ECT2L: variants seen among roughly 807,000 people sequenced by gnomAD.
The protein encoded by ECT2L is epithelial cell transforming 2 like.
ECT2L carries 126 observed loss-of-function variants against 122.8 expected under a neutral mutation model. The ratio of observed to expected loss-of-function variants is 1.03; its 90% CI spans 0.89 to 1.19. The LOEUF is 1.19. Ranked by LOEUF, ECT2L falls within the 50% of genes most tolerant of loss-of-function variation. The pLI, the probability that ECT2L is intolerant of heterozygous loss-of-function variation, is 0.00. For synonymous variants in ECT2L, 385 were observed against 381.8 expected (o/e 1.01, Z -0.10); for missense variants, 1,012 against 1,064.1 (o/e 0.95, Z 0.68).
chr6:138,827,304 T>C (rs1266693402), intron 4 of ECT2L, among the ~76,000 whole-genome samples: 2 of 151,846 alleles, frequency 1.3e-5, no homozygotes, highest in Non-Finnish European at 2.9e-5. Context: ...GCTGAGATCG[T>C]GCCATTGCAC....
chr6:138,817,359 G>T (rs1256552485), intron 4 of ECT2L, among the ~76,000 whole-genome samples: 1 of 152,100 alleles, frequency 6.6e-6, no homozygotes, highest in Non-Finnish European at 1.5e-5. Flanking sequence ...ATTTCTTTTG[G>T]ATCATTTATT....
intron 4 of ECT2L, among the ~76,000 whole-genome samples, chr6:138,831,268 T>C (rs918507446): frequency 1.3e-5 from 2 of 152,254 alleles, no homozygotes; most frequent in African/African-American, 4.8e-5. Context: ...TTCTGGACTC[T>C]CTCCCTGTGC....
At chr6:138,895,345 T>C (rs771373861) in intron 20 of ECT2L, among the ~76,000 whole-genome samples, 1 of 152,064 alleles carries the variant, frequency 6.6e-6, no homozygotes, top group Non-Finnish European at 1.5e-5. Context: ...TAGATTTAAT[T>C]ACAATTACCT....
At chr6:138,831,682 C>G (rs1049395362) in intron 4 of ECT2L, among the ~76,000 whole-genome samples, 1 of 152,128 alleles carries the variant, frequency 6.6e-6, no homozygotes, top group African/African-American at 2.4e-5. Context: ...GGTGCTGTCC[C>G]TAACCATACT....
intron 20 of ECT2L, among the ~76,000 whole-genome samples, chr6:138,891,692 T>A (rs1376463597): frequency 6.6e-6 from 1 of 152,218 alleles, no homozygotes; most frequent in East Asian, 1.9e-4. Context: ...GTAACTTCTA[T>A]CCCCGTAAAA....
chr6:138,820,472 C>G (rs901937832), intron 4 of ECT2L, among the ~76,000 whole-genome samples: 2 of 152,098 alleles, frequency 1.3e-5, no homozygotes, highest in African/African-American at 4.8e-5. Flanking sequence ...TATAAAAAAT[C>G]CTTGGCCCTT....
Position 138,853,915 on chromosome 6 carries a change from T to C in ECT2L, c.1070-111T>C, listed in dbSNP as rs1377336028. On this transcript the variant is annotated intron_variant, in intron 9 of 21. Coordinates refer to ENST00000541398, the MANE Select transcript of ECT2L (RefSeq NM_001077706.3). ...CAGAGATGCCTCAGGTGTCTTGGTC[T>C]TGCAGGCAGATGGCATTTTGATTTT... 3 of 1,254,928 alleles carry C rather than the reference T, an allele frequency of 2.4e-6. No homozygotes were observed. The East Asian group carries it at 7.0e-5, about 29-fold the overall frequency. The allele number at this position is 1,254,928 out of a possible 1,614,324, so 77.7% of individuals were successfully genotyped here.
At chr6:138,800,859 TA>T (rs1051338732) in intron 1 of ECT2L, among the ~76,000 whole-genome samples, 7 of 152,214 alleles carry the variant, frequency 4.6e-5, no homozygotes, top group Non-Finnish European at 7.4e-5. Flanking sequence ...TGGAGGTTGG[TA>T]AATCCAAGGT....
chr6:138,827,922 T>C (rs1431823966), intron 4 of ECT2L, among the ~76,000 whole-genome samples: 2 of 138,368 alleles, frequency 1.4e-5, no homozygotes, highest in Non-Finnish European at 3.1e-5. Context: ...TTCCAGGACA[T>C]AACTTTTTTA....
At chr6:138,886,087 G>T (rs1778811050) in intron 18 of ECT2L, among the ~76,000 whole-genome samples, 1 of 151,706 alleles carries the variant, frequency 6.6e-6, no homozygotes, top group Non-Finnish European at 1.5e-5. Flanking sequence ...TTTGAAGAAT[G>T]AAGTATTTGG....
chr6:138,857,593 A>G (rs1032170033), intron 10 of ECT2L, among the ~76,000 whole-genome samples: 3 of 152,052 alleles, frequency 2.0e-5, no homozygotes, highest in Non-Finnish European at 4.4e-5. Flanking sequence ...TTATGGAAGC[A>G]TCTGATGCAG....
chr6:138,890,360 A>C (rs1778972553), intron 20 of ECT2L, among the ~76,000 whole-genome samples: 1 of 152,180 alleles, frequency 6.6e-6, no homozygotes, highest in African/African-American at 2.4e-5. Context: ...CCTCAAAGGC[A>C]CAGGGTAGCA....
rs150785728 is a variant in ECT2L, at chr6:138,895,489, T to C, written c.2415-5459T>C. Reference sequence around the variant, plus strand: ...GCACAGGCAGTGCCGTTTCCAGTGATTGGACCAGAAGGTAGAAAGGTGAAC... The same window carrying C: ...GCACAGGCAGTGCCGTTTCCAGTGACTGGACCAGAAGGTAGAAAGGTGAAC... On this transcript the variant is annotated intron_variant, in intron 20 of 21. Coordinates refer to ENST00000541398, the MANE Select transcript of ECT2L (RefSeq NM_001077706.3). Among the ~76,000 whole-genome samples, 651 of 152,258 alleles carry C rather than the reference T, an allele frequency of 4.3e-3. 5 individuals are homozygous for C. The highest frequency in any genetic ancestry group is 0.014 in the African/African-American group (594 of 41,566).
intron 20 of ECT2L, among the ~76,000 whole-genome samples, chr6:138,895,202 A>C (rs1779167778): frequency 6.6e-6 from 1 of 152,212 alleles, no homozygotes; most frequent in South Asian, 2.1e-4. Context: ...ATAAAACCCA[A>C]GGAATGCCAT....
intron 14 of ECT2L, among the ~76,000 whole-genome samples, chr6:138,877,559 C>G (rs1778495403): frequency 1.3e-5 from 2 of 151,996 alleles, no homozygotes; most frequent in Non-Finnish European, 2.9e-5. Context: ...GGACTGTAAG[C>G]CAACTGCCAA....
intron 13 of ECT2L, 112 bp downstream of exon 13, chr6:138,868,318 T>C: frequency 1.2e-6 from 1 of 810,936 alleles, no homozygotes; most frequent in Non-Finnish European, 1.9e-6. Flanking sequence ...GCACAGTTCC[T>C]CAGAGAAATT....
In ECT2L at chr6:138,843,056, T is replaced by C. The variant is rs1417162797; in HGVS notation, c.420T>C (p.Ala140=). Residue 140 remains alanine (A), a synonymous_variant, in exon 6 of 22, where the codon GCT becomes GCC. Transcript: ENST00000541398. The stretch of plus-strand genomic sequence containing the variant: ...CTCCAACAGATAATGAGTATGGTGC[T>C]TGGAAGCGCCATTACATTGCTTGTG... The part of the protein sequence containing the change: ...PYTPTDNEYG[A]WKRHYIACVS... 3.7e-6 allele frequency: 6 copies of C among 1,613,770 alleles called. No homozygotes were observed. The South Asian group carries it at 4.4e-5, about 12-fold the overall frequency.
chr6:138,881,206 T>C (rs1490600890), intron 15 of ECT2L, 35 bp downstream of exon 15: 4 of 1,574,844 alleles, frequency 2.5e-6, no homozygotes, highest in Non-Finnish European at 2.6e-6. Flanking sequence ...TTAATATTCA[T>C]TGTGCACTGA....
intron 1 of ECT2L, among the ~76,000 whole-genome samples, chr6:138,809,009 G>A (rs1045359972): frequency 1.3e-5 from 2 of 152,086 alleles, no homozygotes; most frequent in African/African-American, 4.8e-5. Context: ...TTACAGGCGT[G>A]AGCCACCATG....
Sources: allele counts gnomAD v4.1 joint callset (sites outside exome capture counted in the v4.1 genomes callset), GRCh38; gene constraint gnomAD v4.1.1; transcripts MANE v1.5; gene names NCBI Gene and HGNC (gene_info 2026-07-23, HGNC 2026-07-21).